MIS18BP1: variants seen among roughly 807,000 people sequenced by gnomAD.
MIS18BP1 encodes mis18-binding protein 1.
Under a neutral mutation model 116.1 loss-of-function variants are expected in MIS18BP1, and 72 were observed. The ratio of observed to expected loss-of-function variants is 0.62; its 90% confidence interval spans 0.51 to 0.75. The LOEUF is 0.75. MIS18BP1 is among the 30% of genes least tolerant of loss of function. The pLI, the probability that MIS18BP1 is intolerant of heterozygous loss-of-function variation, is 0.00. For synonymous variants in MIS18BP1, 386 were observed against 427.0 expected, an observed-to-expected ratio of 0.90 and a Z score of 1.18; for missense variants, 1,363 against 1,303.2, an observed-to-expected ratio of 1.05 and a Z score of -0.71.
intron 11 of MIS18BP1, among the ~76,000 whole-genome samples, chr14:45,219,438 A>G (rs1890912680): frequency 6.6e-6 from 1 of 152,258 alleles, no homozygotes; most frequent in Admixed American, 6.5e-5. Context: ...CACGTGTGAT[A>G]GCACACAATT....
At position 45,227,745 on chromosome 14, in the gene MIS18BP1, T is replaced by C. The variant is rs144745896; in HGVS notation, c.1664A>G (p.Gln555Arg). Residue 555 changes from glutamine to arginine, a missense_variant, in exon 9 of 17, where the codon CAA becomes CGA. Physicochemically the swap from Gln to Arg is conservative, Grantham distance 43. Transcript: ENST00000310806. ...TGGGAACCTTAATGTTGGTTTATTT[T>C]GGCAATTACTGTGGCACATGTTTAA... The part of the protein sequence containing the change: ...TELNMCHSNC[Q>R]NKPTLRFPDD... The C allele has an allele frequency of 5.8e-5, 93 of 1,613,884 alleles. No individual in the cohort carries two copies. The highest frequency in any genetic ancestry group is 7.5e-5 in the Non-Finnish European group (88 of 1,179,856).
Position 45,210,521 on chromosome 14 carries a change from C to T in MIS18BP1, c.3011G>A (p.Ser1004Asn), listed in dbSNP as rs1417769126. The T allele has an allele frequency of 3.1e-6, 5 of 1,613,664 alleles. No individual in the cohort carries two copies. The highest frequency in any genetic ancestry group is 4.2e-6 in the Non-Finnish European group (5 of 1,179,860). Residue 1004 changes from serine (S) to asparagine (N), a missense_variant, in exon 14 of 17, where the codon AGT becomes AAT. Physicochemically the swap from Ser to Asn is conservative, Grantham distance 46. Coordinates refer to ENST00000310806, the MANE Select transcript of MIS18BP1 (RefSeq NM_018353.5). ...PLQHQRILLP[S>N]FQDSEDDDDI... ...ATCATCATCTTCACTGTCCTGGAAA[C>T]TTGGCAACTAGAAAACAAGTATTTA... is the stretch of plus-strand genomic sequence containing the variant.
intron 13 of MIS18BP1, among the ~76,000 whole-genome samples, chr14:45,216,651 C>T (rs1890825469): frequency 6.6e-6 from 1 of 152,144 alleles, no homozygotes; most frequent in South Asian, 2.1e-4. Context: ...TTCATACATT[C>T]AAATCTTTTA....
intron 2 of MIS18BP1, among the ~76,000 whole-genome samples, chr14:45,245,211 A>G (rs945858567): frequency 6.6e-6 from 1 of 152,186 alleles, no homozygotes. Flanking sequence ...TAAAACGAGC[A>G]GTAGAATCTC....
At chr14:45,252,641 A>G (rs997056288) in intron 1 of MIS18BP1, among the ~76,000 whole-genome samples, 16 of 152,166 alleles carry the variant, frequency 1.1e-4, no homozygotes, top group African/African-American at 3.9e-4. Flanking sequence ...TGTTTGCAAC[A>G]AGCATGCAAT....
chr14:45,228,475 C>T (rs2139195773), intron 8 of MIS18BP1, among the ~76,000 whole-genome samples: 1 of 152,208 alleles, frequency 6.6e-6, no homozygotes, highest in Admixed American at 6.5e-5. Context: ...TGTTCTTCTT[C>T]TATTTCTTCA....
intron 1 of MIS18BP1, among the ~76,000 whole-genome samples, chr14:45,252,603 T>G (rs1891907845): frequency 6.6e-6 from 1 of 152,126 alleles, no homozygotes; most frequent in Admixed American, 6.5e-5. Context: ...CCGACCATTT[T>G]CTAAATAATT....
intron 9 of MIS18BP1, 113 bp from the exon 10 acceptor site, chr14:45,226,949 G>A (rs531500587): frequency 2.1e-5 from 19 of 902,612 alleles, no homozygotes; most frequent in Middle Eastern, 3.7e-4. Context: ...TTACAGTTCC[G>A]CAAATTTCAT....
chr14:45,238,572 G>A (rs1459476484), intron 4 of MIS18BP1, among the ~76,000 whole-genome samples: 1 of 152,166 alleles, frequency 6.6e-6, no homozygotes, highest in Non-Finnish European at 1.5e-5. Context: ...GCTTAAACCT[G>A]TAATCCCAGA....
intron 1 of MIS18BP1, among the ~76,000 whole-genome samples, chr14:45,252,812 G>A (rs1490272930): frequency 6.6e-6 from 1 of 151,748 alleles, no homozygotes; most frequent in East Asian, 1.9e-4. Context: ...GACCTAGAAC[G>A]CTCACCATCG....
At chr14:45,221,938 A>G (rs1045616383) in intron 11 of MIS18BP1, among the ~76,000 whole-genome samples, 1 of 152,212 alleles carries the variant, frequency 6.6e-6, no homozygotes, top group African/African-American at 2.4e-5. Context: ...TGTCAGGTGC[A>G]TACACACTTA....
At position 45,247,384 on chromosome 14, in the gene MIS18BP1, T is replaced by C; in HGVS notation, c.-91-7A>G. 7 of 1,023,948 alleles carry C rather than the reference T, an allele frequency of 6.8e-6. No homozygotes were observed. In the South Asian group the frequency reaches 7.3e-5, roughly 11 times the overall value. 63.4% of individuals were successfully genotyped at this position (1,023,948 alleles called of 1,614,324 possible). On this transcript the variant is annotated splice_polypyrimidine_tract_variant and splice_region_variant and intron_variant, in intron 1 of 16. Coordinates refer to ENST00000310806, the MANE Select transcript of MIS18BP1 (RefSeq NM_018353.5). Reference sequence around the variant, plus strand: ...AGAAGGGATCCACAGAAACCTGTAGTTCAACGTAAAATCAGCCTTTATCAT... The same window carrying C: ...AGAAGGGATCCACAGAAACCTGTAGCTCAACGTAAAATCAGCCTTTATCAT...
intron 1 of MIS18BP1, chr14:45,250,113 C>T (rs556176438): frequency 2.3e-4 from 35 of 152,124 alleles, no homozygotes; most frequent in African/African-American, 7.5e-4. Flanking sequence ...CAAAACAGAG[C>T]TTTCTGTTTC....
At position 45,235,871 on chromosome 14, in the gene MIS18BP1, A is replaced by G. The variant is rs779336100; in HGVS notation, c.1291T>C (p.Ser431Pro). The G allele has an allele frequency of 6.2e-7, 1 of 1,611,432 alleles. No homozygotes were observed. The highest frequency in any genetic ancestry group is 1.1e-5 in the South Asian group (1 of 90,812). Residue 431 changes from serine (S) to proline (P), a missense_variant, in exon 6 of 17, where the codon TCA becomes CCA. Ser to Pro is a moderately conservative substitution (Grantham distance 74). Transcript: ENST00000310806. ...CCTTTTAATATATAAACGTTGCCTG[A>G]TATAGTCCTAAGTTTGTTGTGCTCA... ...RIEHNKLRTI[S>P]GNVYILKGMI... is the part of the protein sequence containing the mutation.
intron 15 of MIS18BP1, among the ~76,000 whole-genome samples, chr14:45,205,818 C>A (rs1890499426): frequency 6.6e-6 from 1 of 152,002 alleles, no homozygotes; most frequent in Admixed American, 6.6e-5. Flanking sequence ...CTTCCCAGAC[C>A]TCTGTGTATA....
In MIS18BP1 at chr14:45,242,255, TCTCA is replaced by T. The variant is rs754456096; in HGVS notation, c.918_921del (p.Ser306ArgfsTer30). 6.2e-7 allele frequency: 1 copy of T among 1,614,122 alleles called. No individual in the cohort carries two copies. The highest frequency in any genetic ancestry group is 8.5e-7 in the Non-Finnish European group (1 of 1,180,004). ...TGTTGCGAAGTCCCTTCTGTTGTCCTCTCACTATCAGAAACCATTAACAGGCTGC... is the reference window on the plus strand; with the variant it reads ...TGTTGCGAAGTCCCTTCTGTTGTCCTCTATCAGAAACCATTAACAGGCTGC... On this transcript the variant is annotated frameshift_variant, in exon 4 of 17. Transcript: ENST00000310806. LOFTEE classifies it high-confidence loss of function.
At chr14:45,239,888 G>T (rs972421136) in intron 4 of MIS18BP1, among the ~76,000 whole-genome samples, 1 of 152,120 alleles carries the variant, frequency 6.6e-6, no homozygotes, top group African/African-American at 2.4e-5. Context: ...AGAAACAAGA[G>T]TCCAAGATGA....
At chr14:45,236,255 AG>A (rs1390240159) in intron 5 of MIS18BP1, among the ~76,000 whole-genome samples, 2 of 152,212 alleles carry the variant, frequency 1.3e-5, no homozygotes, top group Non-Finnish European at 2.9e-5. Flanking sequence ...ACTGATGCTA[AG>A]CTTCCAAAGA....
intron 1 of MIS18BP1, among the ~76,000 whole-genome samples, chr14:45,248,488 A>G (rs570320316): frequency 6.6e-6 from 1 of 152,320 alleles, no homozygotes; most frequent in Non-Finnish European, 1.5e-5. Context: ...CAATCCAAGG[A>G]GCCTGGAACT....
Sources: gnomAD v4.1 joint callset for allele counts (sites outside exome capture counted in the v4.1 genomes callset) on GRCh38, gnomAD v4.1.1 for gene constraint, MANE v1.5 for transcripts, NCBI Gene and HGNC (gene_info 2026-07-23, HGNC 2026-07-21) for gene names.